JCAD: variants seen among roughly 807,000 people sequenced by gnomAD.
JCAD encodes the protein junctional cadherin 5-associated protein.
JCAD carries 40 observed loss-of-function variants against 98.0 expected under a neutral mutation model. That is an observed-to-expected ratio of 0.41 (90% CI 0.32 to 0.53). JCAD has a LOEUF of 0.53. JCAD is among the 20% of genes least tolerant of loss of function. JCAD has a pLI of 0.31. For missense variants in JCAD, 1,705 were observed against 1,738.1 expected, an observed-to-expected ratio of 0.98 and a Z score of 0.34; for synonymous variants, 691 against 682.3, an observed-to-expected ratio of 1.01 and a Z score of -0.20.
chr10:30,013,974 A>C lies in JCAD; in HGVS notation c.*3909T>G, dbSNP rs765842781. On this transcript the variant is annotated 3_prime_UTR_variant, in exon 4 of 4. Coordinates refer to ENST00000375377, the MANE Select transcript of JCAD (RefSeq NM_020848.4). The stretch of plus-strand genomic sequence containing the variant: ...AACCTTTTCAAGAGGCCTCAATCTG[A>C]ATTTATGGTCTTAATGACTCCCTTT... The C allele has an allele frequency of 2.6e-5, 4 of 152,134 alleles. No individual in the cohort carries two copies. Among genetic ancestry groups the C allele is most frequent in the African/African-American group, 4.8e-5 (2 of 41,418 alleles). The allele number at this position is 152,134 out of a possible 1,614,324, so 9.4% of individuals were successfully genotyped here.
At chr10:30,048,945 T>C (rs1049263003) in intron 1 of JCAD, among the ~76,000 whole-genome samples, 2 of 152,150 alleles carry the variant, frequency 1.3e-5, no homozygotes, top group African/African-American at 4.8e-5. Context: ...CAGCCAAGGA[T>C]GTCCACACCC....
At chr10:30,072,186 G>A (rs1486634624) in intron 1 of JCAD, among the ~76,000 whole-genome samples, 2 of 151,758 alleles carry the variant, frequency 1.3e-5, no homozygotes, top group African/African-American at 2.4e-5. Context: ...AGAGGGAGGG[G>A]AGAGGGATAT....
chr10:30,057,247 G>C lies in JCAD; in HGVS notation c.-60+2235C>G, dbSNP rs546586895. Reference sequence around the variant, plus strand: ...CTCCTAAGGATGACTGGTGTTTACTGTCCTCCCAAACTGGCCAGTGAGAAC... The same window carrying C: ...CTCCTAAGGATGACTGGTGTTTACTCTCCTCCCAAACTGGCCAGTGAGAAC... On this transcript the variant is annotated intron_variant, in intron 1 of 3. Transcript: ENST00000375377. 1.4e-4 allele frequency among the ~76,000 whole-genome samples: 21 copies of C among 152,326 alleles called. No homozygotes were observed. The South Asian group carries it at 4.1e-3, about 30-fold the overall frequency.
intron 2 of JCAD, among the ~76,000 whole-genome samples, chr10:30,038,688 T>TA (rs11402293): frequency 0.72 from 88,218 of 122,014 alleles, 31,586 homozygotes; most frequent in Middle Eastern, 0.78. Flanking sequence ...TGTCTCAAAA[T>TA]AAAAAAAAAA....
In JCAD at chr10:30,064,672, CT is replaced by C. The variant is rs551716239; in HGVS notation, n.250+5027del. Among the ~76,000 whole-genome samples, 1,203 of 145,930 alleles carry C rather than the reference CT, an allele frequency of 8.2e-3. 14 individuals are homozygous for C. The highest frequency in any genetic ancestry group is 0.026 in the African/African-American group (1,061 of 40,048). On this transcript the variant is annotated intron_variant and non_coding_transcript_variant, in intron 2 of 2. Transcript: ENST00000465712. The stretch of plus-strand genomic sequence containing the variant: ...TGACCAAAAAAACCCCACGTTCTCT[CT>C]TTTTTTTTTTTCTTTTGAGATGGAG...
At chr10:30,019,345 G>A (rs1415560371) in intron 3 of JCAD, among the ~76,000 whole-genome samples, 7 of 116,760 alleles carry the variant, frequency 6.0e-5, no homozygotes, top group Non-Finnish European at 8.4e-5. Flanking sequence ...CAACAAGAGC[G>A]AAACTCTGTC....
At chr10:30,106,107 C>T (rs2132714361) in intron 1 of JCAD, among the ~76,000 whole-genome samples, 1 of 152,218 alleles carries the variant, frequency 6.6e-6, no homozygotes, top group African/African-American at 2.4e-5. Context: ...ATAGATTATG[C>T]TTTAGACATC....
At chr10:30,052,094 A>C (rs770781710) in intron 1 of JCAD, among the ~76,000 whole-genome samples, 3 of 152,210 alleles carry the variant, frequency 2.0e-5, no homozygotes, top group Non-Finnish European at 2.9e-5. Flanking sequence ...TTTAAATATT[A>C]GCTCTATGGT....
intron 1 of JCAD, among the ~76,000 whole-genome samples, chr10:30,055,603 C>T (rs1029488018): frequency 5.3e-5 from 8 of 152,198 alleles, no homozygotes; most frequent in Non-Finnish European, 1.0e-4. Flanking sequence ...TACCATACCA[C>T]ACGTGTGATG....
chr10:30,084,105 GAGAA>G (rs1020844921), intron 1 of JCAD, among the ~76,000 whole-genome samples: 27 of 147,290 alleles, frequency 1.8e-4, no homozygotes, highest in African/African-American at 5.8e-4. Context: ...AAGGGAGAAA[GAGAA>G]AGAAAAAGAA....
intron 1 of JCAD, among the ~76,000 whole-genome samples, chr10:30,107,330 G>C (rs567128359): frequency 6.6e-6 from 1 of 152,312 alleles, no homozygotes; most frequent in African/African-American, 2.4e-5. Context: ...CCAAGATGGC[G>C]ATGAAAGGGA....
Position 30,017,646 on chromosome 10 carries a change from C to T in JCAD, c.*237G>A. 3.4e-6 allele frequency: 2 copies of T among 586,398 alleles called. No individual in the cohort carries two copies. The highest frequency in any genetic ancestry group is 3.8e-4 in the Middle Eastern group (1 of 2,638). 36.3% of individuals were successfully genotyped at this position (586,398 alleles called of 1,614,324 possible). A position where few individuals can be genotyped will look rare whatever the true frequency, so the allele number is the denominator to read the frequency against. On this transcript the variant is annotated 3_prime_UTR_variant, in exon 4 of 4. Transcript: ENST00000375377. ...GTGAAAACTCCTTCCTAATTATAGG[C>T]ATTAAATCTTCATGCTATAAAAACA...
intron 3 of JCAD, among the ~76,000 whole-genome samples, chr10:30,025,658 T>C (rs926887189): frequency 6.7e-6 from 1 of 150,362 alleles, no homozygotes; most frequent in Non-Finnish European, 1.5e-5. Context: ...TCTCAACTCT[T>C]CTACTGATCA....
intron 3 of JCAD, among the ~76,000 whole-genome samples, chr10:30,019,502 G>C (rs529464870): frequency 1.6e-4 from 24 of 149,442 alleles, no homozygotes; most frequent in Non-Finnish European, 3.3e-4. Flanking sequence ...AAAAAAGCCA[G>C]ACACAGAAAC....
intron 2 of JCAD, among the ~76,000 whole-genome samples, chr10:30,033,604 C>T (rs1220928738): frequency 6.6e-6 from 1 of 152,192 alleles, no homozygotes; most frequent in Non-Finnish European, 1.5e-5. Flanking sequence ...CTAGTGAGGT[C>T]GATTTCTTTT....
At chr10:30,070,509 C>T (rs762287163) in intron 1 of JCAD, among the ~76,000 whole-genome samples, 15 of 152,166 alleles carry the variant, frequency 9.9e-5, no homozygotes, top group Non-Finnish European at 1.8e-4. Context: ...TTTTAGTTTT[C>T]GCAAATTAGT....
Position 30,078,649 on chromosome 10 carries a change from C to T in JCAD, n.129-8828G>A, listed in dbSNP as rs1838021928. Among the ~76,000 whole-genome samples the T allele has an allele frequency of 2.0e-5, 3 of 152,118 alleles. No individual in the cohort carries two copies. In the South Asian group the frequency reaches 6.2e-4, roughly 32 times the overall value. On this transcript the variant is annotated intron_variant and non_coding_transcript_variant, in intron 1 of 2. Coordinates refer to the JCAD transcript ENST00000465712. ...AGAAAGAGCTGCATCTTGAACGAGT[C>T]GCTCCTTTAATGATCAGCTAATGGC... is the stretch of plus-strand genomic sequence containing the variant.
Position 30,028,490 on chromosome 10 carries a change from T to A in JCAD, c.1658A>T (p.Glu553Val), listed in dbSNP as rs773413099. The change falls in exon 3 of 4, where the codon GAA becomes GTA. Residue 553 changes from glutamate (E) to valine (V), a missense_variant. Coordinates refer to ENST00000375377, the MANE Select transcript of JCAD (RefSeq NM_020848.4). ...SPYSQGESTC[E>V]TQTKLKKFQT... The stretch of plus-strand genomic sequence containing the variant: ...GAACTTTTTGAGCTTGGTTTGAGTT[T>A]CGCAGGTGCTCTCGCCCTGTGAGTA... The A allele has an allele frequency of 6.2e-6, 10 of 1,614,130 alleles. No individual in the cohort carries two copies. The highest frequency in any genetic ancestry group is 8.5e-6 in the Non-Finnish European group (10 of 1,180,054).
intron 1 of JCAD, among the ~76,000 whole-genome samples, chr10:30,103,863 C>T (rs1406550698): frequency 6.6e-6 from 1 of 151,796 alleles, no homozygotes; most frequent in Non-Finnish European, 1.5e-5. Flanking sequence ...TCCCGAGTAG[C>T]TGGGATTACA....
Sources: gnomAD v4.1 joint callset for allele counts (sites outside exome capture counted in the v4.1 genomes callset) on GRCh38, gnomAD v4.1.1 for gene constraint, MANE v1.5 for transcripts, NCBI Gene and HGNC (gene_info 2026-07-23, HGNC 2026-07-21) for gene names.